PCMT1: variants seen among roughly 807,000 people sequenced by gnomAD.
The protein encoded by PCMT1 is protein-L-isoaspartate(D-aspartate) O-methyltransferase.
PCMT1 carries 9 observed loss-of-function variants against 29.2 expected under a neutral mutation model. The observed-to-expected ratio is 0.31, with a 90% CI of 0.19 to 0.54. PCMT1 has a LOEUF of 0.54. Ranked by LOEUF, PCMT1 falls within the 20% of genes least tolerant of loss-of-function variation. The pLI is 0.95. For synonymous variants in PCMT1, 98 were observed against 97.5 expected, an observed-to-expected ratio of 1.00 and a Z score of -0.03; for missense variants, 184 against 282.2, an observed-to-expected ratio of 0.65 and a Z score of 2.49.
intron 6 of PCMT1, among the ~76,000 whole-genome samples, chr6:149,798,569 G>A (rs1040689766): frequency 1.3e-5 from 2 of 152,160 alleles, no homozygotes; most frequent in African/African-American, 4.8e-5. Context: ...AGATGTTTAT[G>A]CCTTCTTTTG....
Position 149,796,469 on chromosome 6 carries a change from TG to T in PCMT1, c.476del (p.Gly159GlufsTer11). The T allele has an allele frequency of 1.2e-6, 2 of 1,613,964 alleles. No individual in the cohort carries two copies. The highest frequency in any genetic ancestry group is 1.7e-6 in the Non-Finnish European group (2 of 1,179,938). ...GAAGCCCCTTATGATGCCATTCATG[TG>T]GGAGCTGCAGCCCCTGTTGTACCCC... is the stretch of plus-strand genomic sequence containing the variant. ...AEEAPYDAIH[V>X]GAAAPVVPQA... On this transcript the variant is annotated frameshift_variant, in exon 6 of 8. Transcript: ENST00000464889. LOFTEE classifies it high-confidence loss of function.
At chr6:149,760,926 C>G (rs992914205) in intron 1 of PCMT1, among the ~76,000 whole-genome samples, 1 of 152,048 alleles carries the variant, frequency 6.6e-6, no homozygotes, top group African/African-American at 2.4e-5. Context: ...TTGACAAGAA[C>G]TTAATTGTAA....
At chr6:149,767,529 T>G (rs766174470) in intron 1 of PCMT1, among the ~76,000 whole-genome samples, 11 of 152,074 alleles carry the variant, frequency 7.2e-5, no homozygotes, top group Admixed American at 3.3e-4. Context: ...CAGGGCATAC[T>G]GCAGCCTTGA....
intron 1 of PCMT1, among the ~76,000 whole-genome samples, chr6:149,756,976 G>A (rs1786534692): frequency 6.6e-6 from 1 of 151,860 alleles, no homozygotes; most frequent in Admixed American, 6.6e-5. Context: ...CCAACAATGC[G>A]AAAACCCGTC....
intron 3 of PCMT1, among the ~76,000 whole-genome samples, chr6:149,787,433 C>G (rs1228859475): frequency 6.6e-6 from 1 of 150,838 alleles, no homozygotes; most frequent in Non-Finnish European, 1.5e-5. Context: ...GTGGCGCCAT[C>G]TTGGCTCACT....
At chr6:149,750,586 A>G (rs1786272483) in intron 1 of PCMT1, among the ~76,000 whole-genome samples, 1 of 152,120 alleles carries the variant, frequency 6.6e-6, no homozygotes, top group South Asian at 2.1e-4. Flanking sequence ...GCGGAGAAAG[A>G]ACAGGGGATG....
At chr6:149,793,040 G>A (rs1039989485) in intron 4 of PCMT1, among the ~76,000 whole-genome samples, 1 of 151,904 alleles carries the variant, frequency 6.6e-6, no homozygotes, top group South Asian at 2.1e-4. Context: ...GCGGGGGCCT[G>A]TAGTCCCAGC....
intron 6 of PCMT1, among the ~76,000 whole-genome samples, chr6:149,801,048 G>C (rs1327900581): frequency 6.6e-6 from 1 of 152,212 alleles, no homozygotes; most frequent in African/African-American, 2.4e-5. Flanking sequence ...GAGGCTGATA[G>C]TTGAGTAATA....
intron 5 of PCMT1, 174 bp from the exon 6 acceptor site, chr6:149,796,241 A>G (rs938891852): frequency 9.1e-6 from 4 of 439,042 alleles, no homozygotes; most frequent in African/African-American, 8.1e-5. Context: ...GTTTCTGACC[A>G]AACAAAAAAT....
intron 1 of PCMT1, among the ~76,000 whole-genome samples, chr6:149,755,142 A>C (rs1020849670): frequency 6.6e-6 from 1 of 152,180 alleles, no homozygotes; most frequent in African/African-American, 2.4e-5. Flanking sequence ...GCGGTGGCTC[A>C]CACCTGTAAT....
At chr6:149,751,387 A>G (rs890532497) in intron 1 of PCMT1, among the ~76,000 whole-genome samples, 1 of 151,884 alleles carries the variant, frequency 6.6e-6, no homozygotes, top group Non-Finnish European at 1.5e-5. Flanking sequence ...ATAAATGCCC[A>G]TTAAATGTCC....
rs948082385 is a variant in PCMT1 at position 149,749,744 on chromosome 6, G to C, written c.-158G>C. On this transcript the variant is annotated 5_prime_UTR_variant, in exon 1 of 8. Transcript: ENST00000464889. ...CCGCGGGGGATGCCGGGAGCGCGCA[G>C]TGGCGGCAGCGGCGGCGACGGCAGT... The C allele has an allele frequency of 6.5e-7, 1 of 1,546,286 alleles. No homozygotes were observed. The highest frequency in any genetic ancestry group is 8.7e-7 in the Non-Finnish European group (1 of 1,144,888).
intron 3 of PCMT1, among the ~76,000 whole-genome samples, chr6:149,774,245 C>CT (rs1341026260): frequency 2.3e-4 from 33 of 146,272 alleles, no homozygotes; most frequent in South Asian, 4.3e-4. Context: ...TTTTTCTTTT[C>CT]TTTTTTTTTT....
At chr6:149,781,074 G>A (rs1409969882) in intron 3 of PCMT1, among the ~76,000 whole-genome samples, 1 of 151,494 alleles carries the variant, frequency 6.6e-6, no homozygotes, top group East Asian at 1.9e-4. Context: ...GTCTCATTGT[G>A]GTTTTGATTT....
At chr6:149,768,444 A>ATTTTTT (rs548328646) in intron 1 of PCMT1, among the ~76,000 whole-genome samples, 22 of 75,844 alleles carry the variant, frequency 2.9e-4, no homozygotes, top group Non-Finnish European at 4.2e-4. Flanking sequence ...TTAGTCTTGA[A>ATTTTTT]TTTTTTTTTT....
intron 7 of PCMT1, among the ~76,000 whole-genome samples, chr6:149,804,589 C>T (rs1256134004): frequency 1.3e-5 from 2 of 151,588 alleles, no homozygotes; most frequent in Non-Finnish European, 2.9e-5. Context: ...TCTCAGCTCA[C>T]TACAACCTCC....
chr6:149,807,253 G>C (rs1776041340), intron 7 of PCMT1, among the ~76,000 whole-genome samples: 1 of 152,162 alleles, frequency 6.6e-6, no homozygotes, highest in Non-Finnish European at 1.5e-5. Context: ...CTATGGACAT[G>C]TAATAGTTGT....
intron 1 of PCMT1, chr6:149,750,170 A>C (rs572605516): frequency 1.6e-5 from 11 of 668,696 alleles, no homozygotes; most frequent in Non-Finnish European, 2.7e-5. Flanking sequence ...GGGGAGAGAA[A>C]GAGCCAGGGG....
rs1308765047 is a variant in PCMT1, at chr6:149,762,499, G to GAT, written c.56-8650_56-8649dup. On this transcript the variant is annotated intron_variant, in intron 1 of 7. Transcript: ENST00000464889. Reference sequence around the variant, plus strand: ...ATATTTTAGAGTGCTGGTAATCTATGATATATATATATATCTATGATATAT... The same window carrying GAT: ...ATATTTTAGAGTGCTGGTAATCTATGATATATATATATATATCTATGATATAT... Among the ~76,000 whole-genome samples, 6 of 97,646 alleles carry GAT rather than the reference G, an allele frequency of 6.1e-5. 1 individual carries two copies. The highest frequency in any genetic ancestry group is 2.8e-4 in the African/African-American group (6 of 21,618). The allele number at this position is 97,646 out of a possible 152,430, so 64.1% of individuals were successfully genotyped here.
Sources: allele counts gnomAD v4.1 joint callset (sites outside exome capture counted in the v4.1 genomes callset), GRCh38; gene constraint gnomAD v4.1.1; transcripts MANE v1.5; gene names NCBI Gene and HGNC (gene_info 2026-07-23, HGNC 2026-07-21).